Variants in CSN3 observed in about 807,000 individuals in gnomAD.
CSN3 encodes kappa-casein.
A neutral mutation model predicts 9.9 loss-of-function variants in CSN3; 7 were observed. The ratio of observed to expected loss-of-function variants is 0.71; its 90% CI spans 0.40 to 1.33. The LOEUF is 1.33. Among genes scored for constraint, CSN3 ranks in the 40% most tolerant of loss-of-function variants. The pLI, the probability that CSN3 is intolerant of heterozygous loss-of-function variation, is 0.01. For synonymous variants in CSN3, 88 were observed against 82.3 expected (o/e 1.07, Z -0.37); for missense variants, 253 against 227.9 (o/e 1.11, Z -0.71).
At chr4:70,249,530 A>T in intron 4 of CSN3, 37 bp downstream of exon 4, 1 of 1,170,742 alleles carries the variant, frequency 8.5e-7, no homozygotes, top group Non-Finnish European at 1.2e-6. Flanking sequence ...AATTCCGACA[A>T]GAAGCATGGA....
At chr4:70,244,166 A>G (rs552261165) in intron 1 of CSN3, among the ~76,000 whole-genome samples, 30 of 152,110 alleles carry the variant, frequency 2.0e-4, no homozygotes, top group Non-Finnish European at 2.8e-4. Context: ...AAAACACTCA[A>G]TTGTTTTCTG....
chr4:70,239,182 C>T (rs1730226145), upstream of CSN3, among the ~76,000 whole-genome samples: 1 of 150,080 alleles, frequency 6.7e-6, no homozygotes, highest in Non-Finnish European at 1.5e-5. Context: ...TAAGAGGAAC[C>T]AAAATGGAAA....
chr4:70,241,466 T>G (rs1394272816), upstream of CSN3, among the ~76,000 whole-genome samples: 1 of 152,080 alleles, frequency 6.6e-6, no homozygotes, highest in Non-Finnish European at 1.5e-5. Flanking sequence ...CTGATATTAT[T>G]TCTTGTTTGT....
chr4:70,243,968 C>T (rs139321382), intron 1 of CSN3, among the ~76,000 whole-genome samples: 2 of 152,124 alleles, frequency 1.3e-5, no homozygotes, highest in East Asian at 1.9e-4. Flanking sequence ...ATCCTACATA[C>T]TTCTGTTGGA....
At chr4:70,240,527 C>A (rs963583870), upstream of CSN3, among the ~76,000 whole-genome samples, 3 of 151,998 alleles carry the variant, frequency 2.0e-5, no homozygotes, top group African/African-American at 7.2e-5. Flanking sequence ...ACCATCGCAG[C>A]TTCCTTGGAG....
Position 70,248,993 on chromosome 4 carries a change from TGCAGTGCCA to T in CSN3, c.88-4_92del, listed in dbSNP as rs1335294289. 1.3e-6 allele frequency: 2 copies of T among 1,553,010 alleles called. No homozygotes were observed. The highest frequency in any genetic ancestry group is 1.4e-5 in the African/African-American group (1 of 72,322). On this transcript the variant is annotated splice_acceptor_variant and splice_polypyrimidine_tract_variant and coding_sequence_variant and intron_variant, in exon 4 of 5. Transcript: ENST00000304954. LOFTEE classifies it high-confidence loss of function. Reference sequence around the variant, plus strand: ...AATATTCTGTATAATTTATTTTTTTTGCAGTGCCATGAGAATGATGAAAGACCATTCTAT... The same window carrying T: ...AATATTCTGTATAATTTATTTTTTTTTGAGAATGATGAAAGACCATTCTAT...
chr4:70,241,697 T>C (rs911065636), upstream of CSN3, among the ~76,000 whole-genome samples: 1 of 151,718 alleles, frequency 6.6e-6, no homozygotes, highest in African/African-American at 2.4e-5. Context: ...TGACTTTCCT[T>C]AAAACAGAAC....
At chr4:70,239,796 A>G (rs1730236231), upstream of CSN3, among the ~76,000 whole-genome samples, 1 of 152,002 alleles carries the variant, frequency 6.6e-6, no homozygotes, top group African/African-American at 2.4e-5. Context: ...GGAGAGTAAA[A>G]TTTTGATATT....
At chr4:70,249,323 C>A (rs776302059) in exon 4 of CSN3, 1 of 1,613,944 alleles carries the variant, frequency 6.2e-7, no homozygotes, top group Non-Finnish European at 8.5e-7. Flanking sequence ...AATACCATTG[C>A]TACTGTTGAA....
intron 4 of CSN3, among the ~76,000 whole-genome samples, chr4:70,250,317 G>A (rs1730457118): frequency 6.6e-6 from 1 of 152,160 alleles, no homozygotes; most frequent in African/African-American, 2.4e-5. Context: ...TCCATCAGAT[G>A]TCTACATGTT....
intron 2 of CSN3, among the ~76,000 whole-genome samples, chr4:70,245,752 C>T (rs1730365157): frequency 6.6e-6 from 1 of 152,050 alleles, no homozygotes; most frequent in South Asian, 2.1e-4. Context: ...TTTAAGTTAA[C>T]ATCTATTAAT....
At chr4:70,249,165 T>C in exon 4 of CSN3, 1 of 1,614,056 alleles carries the variant, frequency 6.2e-7, no homozygotes, top group South Asian at 1.1e-5. Flanking sequence ...CAAACCCAGC[T>C]GTAGTTAGGC....
At chr4:70,247,846 C>T (rs368533318) in exon 3 of CSN3, 2 of 1,597,068 alleles carry the variant, frequency 1.3e-6, no homozygotes, top group Non-Finnish European at 1.7e-6. Context: ...CAGAAACAAC[C>T]AGCAGTAAGT....
chr4:70,243,013 C>T (rs1462776414), intron 1 of CSN3: 1 of 176,426 alleles, frequency 5.7e-6, no homozygotes, highest in Admixed American at 6.5e-5. Flanking sequence ...TCGCAATTAA[C>T]CCCTTAATTA....
chr4:70,249,140 C>G, exon 4 of CSN3: 2 of 1,613,956 alleles, frequency 1.2e-6, no homozygotes, highest in Non-Finnish European at 1.7e-6. Context: ...CCATATGTGC[C>G]TCGCACATAT....
intron 1 of CSN3, among the ~76,000 whole-genome samples, chr4:70,243,466 G>A (rs1188777782): frequency 6.6e-6 from 1 of 152,012 alleles, no homozygotes; most frequent in African/African-American, 2.4e-5. Context: ...TGATGACATC[G>A]TATGGGCAGT....
chr4:70,242,396 G>A, upstream of CSN3, among the ~76,000 whole-genome samples: 1 of 121,328 alleles, frequency 8.2e-6, no homozygotes, highest in Admixed American at 8.0e-5. Flanking sequence ...GTGCCATGCT[G>A]GTGCACTGCA....
intron 1 of CSN3, among the ~76,000 whole-genome samples, chr4:70,244,179 G>T (rs537991318): frequency 6.6e-6 from 1 of 152,094 alleles, no homozygotes; most frequent in African/African-American, 2.4e-5. Context: ...GTTTTCTGTT[G>T]TTTATAAAGC....
At chr4:70,247,675 T>C (rs1157100636) in intron 2 of CSN3, 143 bp from the exon 3 acceptor site, 9 of 668,040 alleles carry the variant, frequency 1.3e-5, no homozygotes, top group Non-Finnish European at 2.0e-5. Flanking sequence ...ATAGGCCTCA[T>C]AGATCACTCA....
Sources: allele counts gnomAD v4.1 joint callset (sites outside exome capture counted in the v4.1 genomes callset), GRCh38; gene constraint gnomAD v4.1.1; transcripts MANE v1.5; gene names NCBI Gene and HGNC (gene_info 2026-07-23, HGNC 2026-07-21).